Variants in FARP1 observed in about 807,000 individuals in gnomAD.
The protein encoded by FARP1 is FERM, ARH/RhoGEF and pleckstrin domain protein 1, also known as FERM, ARHGEF and pleckstrin domain-containing protein 1.
FARP1 carries 52 observed loss-of-function variants against 128.8 expected under a neutral mutation model. That is an observed-to-expected ratio of 0.40 (90% CI 0.32 to 0.51). The LOEUF (loss-of-function observed/expected upper bound fraction) is 0.51, where lower values mean the gene tolerates loss of function less well. Among genes scored for constraint, FARP1 ranks in the 20% least tolerant of loss-of-function variants. FARP1 has a pLI of 0.45. For synonymous variants in FARP1, 580 were observed against 551.8 expected (o/e 1.05, Z -0.72); for missense variants, 1,333 against 1,367.9 (o/e 0.97, Z 0.40).
chr13:98,306,242 C>T (rs528866082), intron 2 of FARP1, among the ~76,000 whole-genome samples: 3 of 152,296 alleles, frequency 2.0e-5, no homozygotes, highest in African/African-American at 7.2e-5. Context: ...GAAACTGGTG[C>T]ATATCAACCA....
intron 13 of FARP1, chr13:98,404,049 C>A: frequency 6.4e-6 from 1 of 155,080 alleles, no homozygotes; most frequent in Non-Finnish European, 1.5e-5. Context: ...ACCAACATCA[C>A]CACCACCATC....
At chr13:98,316,471 G>A (rs1886726591) in intron 2 of FARP1, among the ~76,000 whole-genome samples, 1 of 152,216 alleles carries the variant, frequency 6.6e-6, no homozygotes. Context: ...ATGCGTGGCA[G>A]ATCCTCTGCA....
intron 2 of FARP1, among the ~76,000 whole-genome samples, chr13:98,263,637 C>T (rs2139549812): frequency 6.6e-6 from 1 of 152,292 alleles, no homozygotes; most frequent in South Asian, 2.1e-4. Flanking sequence ...CTCTTTGAAG[C>T]AATCTCTTCT....
chr13:98,313,242 TACACACACACACACAC>T (rs71111943), intron 2 of FARP1, among the ~76,000 whole-genome samples: 1 of 119,958 alleles, frequency 8.3e-6, no homozygotes, highest in Non-Finnish European at 1.7e-5. Flanking sequence ...TGGGTCATAA[TACACACACACACACAC>T]ACACACACAC....
intron 2 of FARP1, among the ~76,000 whole-genome samples, chr13:98,241,558 T>A (rs1882774269): frequency 6.6e-6 from 1 of 152,092 alleles, no homozygotes. Flanking sequence ...GGCAGCAGGA[T>A]CTCTTGAGGC....
At chr13:98,319,865 T>A (rs1456614722) in intron 2 of FARP1, among the ~76,000 whole-genome samples, 3 of 152,188 alleles carry the variant, frequency 2.0e-5, no homozygotes, top group Non-Finnish European at 4.4e-5. Context: ...AGACTTTTTT[T>A]TTTCTTGAAA....
At chr13:98,151,691 T>C (rs1876017565) in intron 1 of FARP1, among the ~76,000 whole-genome samples, 2 of 136,826 alleles carry the variant, frequency 1.5e-5, no homozygotes, top group South Asian at 5.1e-4. Flanking sequence ...AGACGGAGTC[T>C]TGCTGTGTCA....
chr13:98,142,642 G>C (rs543517958), upstream of FARP1: 3 of 152,434 alleles, frequency 2.0e-5, no homozygotes, highest in East Asian at 5.8e-4. Flanking sequence ...GGTCCCTGAA[G>C]ACTGTCCTCC....
At chr13:98,379,638 C>T (rs1001833801) in intron 6 of FARP1, among the ~76,000 whole-genome samples, 46 of 152,262 alleles carry the variant, frequency 3.0e-4, no homozygotes, top group African/African-American at 1.1e-3. Context: ...TGAGGATGCT[C>T]ACGTCCCTGA....
At chr13:98,374,959 C>G (rs925482925) in intron 5 of FARP1, among the ~76,000 whole-genome samples, 1 of 152,154 alleles carries the variant, frequency 6.6e-6, no homozygotes, top group Admixed American at 6.5e-5. Flanking sequence ...TCACTCACCC[C>G]CAAGGGAGGT....
chr13:98,283,102 A>G (rs949440712), intron 2 of FARP1, among the ~76,000 whole-genome samples: 2 of 152,176 alleles, frequency 1.3e-5, no homozygotes, highest in African/African-American at 4.8e-5. Context: ...TGTGCACTTG[A>G]GCGAATTTGT....
At chr13:98,429,222 G>T (rs1299855971) in intron 17 of FARP1, among the ~76,000 whole-genome samples, 1 of 152,234 alleles carries the variant, frequency 6.6e-6, no homozygotes, top group East Asian at 1.9e-4. Context: ...ACAGAGCAGG[G>T]CAGGCCCCGG....
chr13:98,363,248 G>A (rs1268663556), intron 3 of FARP1, among the ~76,000 whole-genome samples: 2 of 152,108 alleles, frequency 1.3e-5, no homozygotes, highest in Non-Finnish European at 2.9e-5. Context: ...TCAGGACTAG[G>A]GTTTTTACTG....
chr13:98,146,937 G>A (rs1006519383), intron 1 of FARP1, among the ~76,000 whole-genome samples: 1 of 152,152 alleles, frequency 6.6e-6, no homozygotes, highest in Non-Finnish European at 1.5e-5. Flanking sequence ...CTTTCTCTCT[G>A]TTTCACCCAT....
chr13:98,230,480 T>G (rs1314727690), intron 2 of FARP1, among the ~76,000 whole-genome samples: 1 of 152,162 alleles, frequency 6.6e-6, no homozygotes, highest in East Asian at 1.9e-4. Context: ...TGTTCTCAAT[T>G]AAGAACCTTT....
rs1893007343 is a variant in FARP1, at chr13:98,448,529, G to T, written c.*212G>T. The T allele has an allele frequency of 1.8e-6, 1 of 569,202 alleles. No homozygotes were observed. The highest frequency in any genetic ancestry group is 2.1e-5 in the South Asian group (1 of 47,954). The allele number at this position is 569,202 out of a possible 1,614,324, so 35.3% of individuals were successfully genotyped here. ...CCACCTCCAGTCCTGGCATCCGCTG[G>T]GGGCGCTGTTCTTTAGCTAGTGCCA... On this transcript the variant is annotated 3_prime_UTR_variant, in exon 27 of 27. Transcript: ENST00000319562.
chr13:98,145,936 C>T (rs1875518311), intron 1 of FARP1, among the ~76,000 whole-genome samples: 1 of 140,904 alleles, frequency 7.1e-6, no homozygotes, highest in African/African-American at 2.6e-5. Flanking sequence ...GTTAAAGATA[C>T]AAATAAGATA....
At chr13:98,297,340 C>G (rs1885741563) in intron 2 of FARP1, among the ~76,000 whole-genome samples, 1 of 152,196 alleles carries the variant, frequency 6.6e-6, no homozygotes, top group African/African-American at 2.4e-5. Context: ...TCGAAGCCAT[C>G]TGTGTGTGTG....
chr13:98,249,323 C>T (rs1478225411), intron 2 of FARP1, among the ~76,000 whole-genome samples: 1 of 152,114 alleles, frequency 6.6e-6, no homozygotes, highest in African/African-American at 2.4e-5. Flanking sequence ...AAGTATAGCT[C>T]CTTGTTAATG....
Sources: gnomAD v4.1 joint callset for allele counts (sites outside exome capture counted in the v4.1 genomes callset) on GRCh38, gnomAD v4.1.1 for gene constraint, MANE v1.5 for transcripts, NCBI Gene and HGNC (gene_info 2026-07-23, HGNC 2026-07-21) for gene names.